The following CSMD1 variants were observed in gnomAD, a reference collection of about 807,000 sequenced individuals.
The protein encoded by CSMD1 is CUB and Sushi multiple domains 1.
Under a neutral mutation model 417.5 loss-of-function variants are expected in CSMD1, and 213 were observed. The ratio of observed to expected loss-of-function variants is 0.51; its 90% confidence interval spans 0.46 to 0.57. CSMD1 has a LOEUF of 0.57. Among genes scored for constraint, CSMD1 ranks in the 20% least tolerant of loss-of-function variants. The pLI is 0.00. For synonymous variants in CSMD1, 2,862 were observed against 1,736.8 expected (o/e 1.65, Z -16.11); for missense variants, 6,923 against 4,529.7 (o/e 1.53, Z -15.17).
chr8:4,745,093 G>C (rs7846228), intron 1 of CSMD1, among the ~76,000 whole-genome samples: 2 of 152,008 alleles, frequency 1.3e-5, no homozygotes, highest in Admixed American at 6.5e-5. Flanking sequence ...CGAGAAATGC[G>C]TAAGAATGGC....
intron 3 of CSMD1, among the ~76,000 whole-genome samples, chr8:4,280,736 C>T (rs1489965474): frequency 1.3e-5 from 2 of 152,164 alleles, no homozygotes; most frequent in African/African-American, 4.8e-5. Context: ...TATAATTGTA[C>T]TTTCCTAGTA....
At chr8:3,635,808 AAAAAAAAG>A (rs1403481195) in intron 7 of CSMD1, among the ~76,000 whole-genome samples, 2 of 145,350 alleles carry the variant, frequency 1.4e-5, no homozygotes, top group African/African-American at 2.5e-5. Flanking sequence ...AAAAAAAAAA[AAAAAAAAG>A]AAAGAAAGAA....
Position 3,058,149 on chromosome 8 carries a change from G to C in CSMD1, c.7475-5502C>G, listed in dbSNP as rs112649683. On this transcript the variant is annotated intron_variant, in intron 49 of 69. Transcript: ENST00000635120. The stretch of plus-strand genomic sequence containing the variant: ...GAGTCCTATTCTCATCTGATTGGTA[G>C]TGCTATTGTGTGCAACTGTTTGTAA... Among the ~76,000 whole-genome samples the C allele has an allele frequency of 8.9e-3, 1,360 of 152,208 alleles. 24 individuals carry two copies. Among genetic ancestry groups the C allele is most frequent in the African/African-American group, 0.031 (1,284 of 41,524 alleles).
chr8:3,593,060 C>T (rs1800929413), intron 8 of CSMD1, among the ~76,000 whole-genome samples: 1 of 152,166 alleles, frequency 6.6e-6, no homozygotes, highest in African/African-American at 2.4e-5. Flanking sequence ...CTGGGGGGTC[C>T]TGCCCAGTGA....
chr8:4,058,324 G>C (rs1426644621), intron 3 of CSMD1, among the ~76,000 whole-genome samples: 1 of 151,962 alleles, frequency 6.6e-6, no homozygotes, highest in Admixed American at 6.6e-5. Context: ...CTCACGATTT[G>C]GCTCTCTGTT....
chr8:3,414,481 T>C (rs1031807536), intron 12 of CSMD1, among the ~76,000 whole-genome samples: 2 of 152,240 alleles, frequency 1.3e-5, no homozygotes, highest in Admixed American at 6.5e-5. Flanking sequence ...TCACTGTCTA[T>C]CATCATTTGC....
intron 3 of CSMD1, among the ~76,000 whole-genome samples, chr8:4,196,556 T>C (rs1799351015): frequency 6.6e-6 from 1 of 152,156 alleles, no homozygotes; most frequent in Non-Finnish European, 1.5e-5. Context: ...GAGTCATTCA[T>C]TTTTAGCCTC....
intron 5 of CSMD1, among the ~76,000 whole-genome samples, chr8:3,871,554 G>C (rs894294279): frequency 1.3e-5 from 2 of 151,808 alleles, no homozygotes; most frequent in African/African-American, 2.4e-5. Context: ...TAGTCTATTA[G>C]GTTATTATTA....
intron 6 of CSMD1, among the ~76,000 whole-genome samples, chr8:3,715,056 C>G (rs892520603): frequency 5.9e-5 from 9 of 151,848 alleles, no homozygotes; most frequent in African/African-American, 2.2e-4. Flanking sequence ...TTACATAATC[C>G]CCTTCCCCTC....
rs142096064 is a variant in CSMD1, at chr8:3,997,750, G to C, written c.818+153C>G. ...AACTTTGAAATTACTCACAGTAAAG[G>C]TAACTTTTCCAGAGCCAAAAGAGCA... On this transcript the variant is annotated intron_variant, in intron 5 of 69. Transcript: ENST00000635120. 5.9e-5 allele frequency among the ~76,000 whole-genome samples: 9 copies of C among 152,250 alleles called. No individual in the cohort carries two copies. The East Asian group carries it at 1.5e-3, about 26-fold the overall frequency.
chr8:3,816,690 C>T (rs1299098304), intron 5 of CSMD1, among the ~76,000 whole-genome samples: 2 of 152,152 alleles, frequency 1.3e-5, no homozygotes, highest in Non-Finnish European at 2.9e-5. Flanking sequence ...CTCAATTACA[C>T]TGATTTTACC....
At chr8:4,956,141 G>A (rs62489435) in intron 1 of CSMD1, among the ~76,000 whole-genome samples, 22,034 of 152,028 alleles carry the variant, frequency 0.14, 2,618 homozygotes, top group African/African-American at 0.32. Context: ...CATAATGGAT[G>A]ACAGAGTTAT....
At chr8:3,997,478 A>G (rs545563681) in intron 5 of CSMD1, among the ~76,000 whole-genome samples, 10 of 152,224 alleles carry the variant, frequency 6.6e-5, no homozygotes, top group Non-Finnish European at 1.3e-4. Flanking sequence ...TGTGGTACAC[A>G]GTCTTCACGA....
At chr8:4,842,592 C>G (rs1012254895) in intron 1 of CSMD1, among the ~76,000 whole-genome samples, 3 of 152,200 alleles carry the variant, frequency 2.0e-5, no homozygotes. Flanking sequence ...ACATGTATCC[C>G]TGCTGCAGGG....
chr8:3,432,537 G>T (rs965650434), intron 12 of CSMD1, among the ~76,000 whole-genome samples: 20 of 128,834 alleles, frequency 1.6e-4, no homozygotes, highest in Non-Finnish European at 3.0e-4. Context: ...TTGAGATGGA[G>T]TCTCACTTTG....
chr8:3,471,509 A>C (rs555851799), intron 11 of CSMD1, among the ~76,000 whole-genome samples: 26 of 106,690 alleles, frequency 2.4e-4, no homozygotes, highest in Non-Finnish European at 3.8e-4. Flanking sequence ...TCCTTCCTTC[A>C]TTCCTTCCTT....
At chr8:4,097,292 A>T (rs1331123928) in intron 3 of CSMD1, among the ~76,000 whole-genome samples, 1 of 152,222 alleles carries the variant, frequency 6.6e-6, no homozygotes, top group East Asian at 1.9e-4. Context: ...TCTGTCTTAT[A>T]AAATGGGTGA....
At chr8:4,571,653 G>A (rs1411967072) in intron 2 of CSMD1, among the ~76,000 whole-genome samples, 1 of 151,164 alleles carries the variant, frequency 6.6e-6, no homozygotes, top group Non-Finnish European at 1.5e-5. Flanking sequence ...AGATGTACTA[G>A]GTCCACTGAG....
At chr8:3,807,220 A>G (rs1800793123) in intron 5 of CSMD1, among the ~76,000 whole-genome samples, 1 of 152,214 alleles carries the variant, frequency 6.6e-6, no homozygotes, top group Non-Finnish European at 1.5e-5. Context: ...CAGGACATTG[A>G]TAAACCTATA....
Sources: allele counts gnomAD v4.1 joint callset (sites outside exome capture counted in the v4.1 genomes callset), GRCh38; gene constraint gnomAD v4.1.1; transcripts MANE v1.5; gene names NCBI Gene and HGNC (gene_info 2026-07-23, HGNC 2026-07-21).